EYA1: variants seen among roughly 807,000 people sequenced by gnomAD.
EYA1 encodes the protein protein phosphatase EYA1.
EYA1 carries 16 observed loss-of-function variants against 82.0 expected under a neutral mutation model. That is an observed-to-expected ratio of 0.20 (90% confidence interval 0.13 to 0.30). The LOEUF (loss-of-function observed/expected upper bound fraction) is 0.30. EYA1 is among the 10% of genes least tolerant of loss of function. The probability of loss-of-function intolerance (pLI) is 1.00; values close to 1 mark genes in which losing one functional copy is unlikely to be tolerated. For synonymous variants in EYA1, 261 were observed against 264.4 expected (o/e 0.99, Z 0.12); for missense variants, 633 against 730.7 (o/e 0.87, Z 1.54).
intron 12 of EYA1, among the ~76,000 whole-genome samples, chr8:71,233,580 G>GA (rs1173599624): frequency 6.9e-6 from 1 of 145,418 alleles, no homozygotes; most frequent in Admixed American, 6.9e-5. Flanking sequence ...AAAAAAAAAA[G>GA]AAAAAAAAGA....
intron 2 of EYA1, among the ~76,000 whole-genome samples, chr8:71,393,146 T>C (rs1440368673): frequency 6.6e-6 from 1 of 152,168 alleles, no homozygotes; most frequent in Non-Finnish European, 1.5e-5. Flanking sequence ...TAAGTACAAG[T>C]GCAATATTCA....
At chr8:71,444,844 T>A (rs936926897) in intron 2 of EYA1, among the ~76,000 whole-genome samples, 2 of 152,226 alleles carry the variant, frequency 1.3e-5, no homozygotes, top group Admixed American at 1.3e-4. Context: ...ATTAAAACTA[T>A]CTTTAGAAAA....
intron 2 of EYA1, among the ~76,000 whole-genome samples, chr8:71,525,857 C>T (rs576308243): frequency 6.6e-6 from 1 of 152,270 alleles, no homozygotes; most frequent in Admixed American, 6.5e-5. Context: ...GTTTACAAAA[C>T]CTTGGCTCCA....
intron 2 of EYA1, among the ~76,000 whole-genome samples, chr8:71,433,685 T>G (rs1586708034): frequency 6.6e-6 from 1 of 152,072 alleles, no homozygotes; most frequent in Non-Finnish European, 1.5e-5. Context: ...GTGTGACTGG[T>G]GGTCTGAGAA....
intron 2 of EYA1, among the ~76,000 whole-genome samples, chr8:71,485,068 G>A (rs1015178740): frequency 1.4e-4 from 21 of 152,216 alleles, no homozygotes; most frequent in African/African-American, 4.8e-4. Flanking sequence ...AGGAGGATCT[G>A]ACTGACTAAT....
chr8:71,398,885 C>G (rs1293170650), intron 2 of EYA1, among the ~76,000 whole-genome samples: 1 of 152,238 alleles, frequency 6.6e-6, no homozygotes, highest in Non-Finnish European at 1.5e-5. Context: ...CTATGCCCTG[C>G]CCCAAGAGGT....
intron 2 of EYA1, among the ~76,000 whole-genome samples, chr8:71,455,420 T>C (rs12681716): frequency 0.5 from 75,688 of 151,968 alleles, 21,764 homozygotes; most frequent in African/African-American, 0.78. Context: ...AGGCCAGCAT[T>C]ACCCTGATAC....
At chr8:71,454,789 C>T (rs10957552) in intron 2 of EYA1, among the ~76,000 whole-genome samples, 74,359 of 152,014 alleles carry the variant, frequency 0.49, 20,950 homozygotes, top group African/African-American at 0.76. Flanking sequence ...GGGAAATTTA[C>T]AGCACTAAAT....
At chr8:71,266,591 G>C (rs970697022) in intron 11 of EYA1, among the ~76,000 whole-genome samples, 1 of 152,208 alleles carries the variant, frequency 6.6e-6, no homozygotes, top group African/African-American at 2.4e-5. Context: ...CTGACCGCAA[G>C]TGTTCAGTAC....
intron 2 of EYA1, among the ~76,000 whole-genome samples, chr8:71,390,434 T>A (rs1829212782): frequency 6.6e-6 from 1 of 152,134 alleles, no homozygotes; most frequent in Non-Finnish European, 1.5e-5. Flanking sequence ...AACTAATTTT[T>A]AAATTTTTTG....
At chr8:71,477,617 G>A (rs1039277940) in intron 2 of EYA1, among the ~76,000 whole-genome samples, 3 of 151,856 alleles carry the variant, frequency 2.0e-5, no homozygotes, top group Non-Finnish European at 4.4e-5. Flanking sequence ...CTCATGTATT[G>A]CAGTGGGGGA....
intron 12 of EYA1, among the ~76,000 whole-genome samples, chr8:71,236,957 T>C (rs1278899385): frequency 6.6e-6 from 1 of 152,228 alleles, no homozygotes; most frequent in Non-Finnish European, 1.5e-5. Context: ...TTACCAGCAA[T>C]GTACACAAGT....
At chr8:71,472,119 C>T (rs1159472912) in intron 2 of EYA1, among the ~76,000 whole-genome samples, 3 of 152,126 alleles carry the variant, frequency 2.0e-5, no homozygotes, top group Non-Finnish European at 2.9e-5. Flanking sequence ...CTCTATTTTG[C>T]AACTGCGTTT....
chr8:71,299,661 A>C lies in EYA1; in HGVS notation c.616T>G (p.Ser206Ala). The change falls in exon 8 of 18, where the codon TCT becomes GCT. Residue 206 changes from serine (S) to alanine (A), a missense_variant. Transcript: ENST00000340726. ...ACCTGCTGTGAACTATTAAATCCAG[A>C]GGAATTTGTGAGTGAATTATTTCCT... is the stretch of plus-strand genomic sequence containing the variant. ...YTGNNSLTNS[S>A]GFNSSQQDYP... 2.5e-6 allele frequency: 4 copies of C among 1,592,312 alleles called. No homozygotes were observed. Among genetic ancestry groups the C allele is most frequent in the Non-Finnish European group, 3.4e-6 (4 of 1,160,964 alleles).
At chr8:71,453,916 A>G (rs1371201713) in intron 2 of EYA1, among the ~76,000 whole-genome samples, 1 of 152,200 alleles carries the variant, frequency 6.6e-6, no homozygotes, top group Non-Finnish European at 1.5e-5. Flanking sequence ...GTTCACACAT[A>G]ACAATATTAC....
At chr8:71,432,615 C>T (rs566401286) in intron 2 of EYA1, among the ~76,000 whole-genome samples, 114 of 152,310 alleles carry the variant, frequency 7.5e-4, no homozygotes, top group African/African-American at 2.6e-3. Context: ...TCCTAATCTT[C>T]TCTTTTTATG....
At chr8:71,253,192 T>C (rs1373082737) in intron 11 of EYA1, among the ~76,000 whole-genome samples, 3 of 152,130 alleles carry the variant, frequency 2.0e-5, no homozygotes, top group African/African-American at 7.2e-5. Flanking sequence ...CAAATTAACA[T>C]AAAATATCAG....
intron 11 of EYA1, among the ~76,000 whole-genome samples, chr8:71,245,050 T>C (rs2128905379): frequency 6.6e-6 from 1 of 152,340 alleles, no homozygotes; most frequent in Middle Eastern, 3.4e-3. Flanking sequence ...AGCCACTGGT[T>C]ATGTTACGCC....
chr8:71,354,951 C>G, intron 2 of EYA1, 42 bp from the exon 3 acceptor site: 1 of 1,600,498 alleles, frequency 6.2e-7, no homozygotes, highest in Non-Finnish European at 8.6e-7. Context: ...GTACCAAATT[C>G]ATAACACCAC....
Sources: gnomAD v4.1 joint callset for allele counts (sites outside exome capture counted in the v4.1 genomes callset) on GRCh38, gnomAD v4.1.1 for gene constraint, MANE v1.5 for transcripts, NCBI Gene and HGNC (gene_info 2026-07-23, HGNC 2026-07-21) for gene names.